The following SLC25A12 variants were observed in gnomAD, a reference collection of about 807,000 sequenced individuals.
The protein encoded by SLC25A12 is electrogenic aspartate/glutamate antiporter SLC25A12, mitochondrial.
Under a neutral mutation model 83.3 loss-of-function variants are expected in SLC25A12, and 32 were observed. That is an observed-to-expected ratio of 0.38 (90% CI 0.29 to 0.52). The LOEUF is 0.52. Ranked by LOEUF, SLC25A12 falls within the 20% of genes least tolerant of loss-of-function variation. The pLI is 0.84. For missense variants in SLC25A12, 611 were observed against 835.6 expected (o/e 0.73, Z 3.31); for synonymous variants, 267 against 291.1 (o/e 0.92, Z 0.84).
At position 171,834,033 on chromosome 2, in the gene SLC25A12, G is replaced by A. The variant is rs775614655; in HGVS notation, c.775C>T (p.Arg259Cys). 2.2e-5 allele frequency: 36 copies of A among 1,607,980 alleles called. No homozygotes were observed. The highest frequency in any genetic ancestry group is 2.6e-5 in the Non-Finnish European group (31 of 1,174,884). The stretch of plus-strand genomic sequence containing the variant: ...TCTAGTGGTGTGACTTGTCCATAGC[G>A]TATGGCACTCTGGGCAAATTCCTCT... The part of the protein sequence containing the change: ...TKEEFAQSAI[R>C]YGQVTPLEID... The change falls in exon 8 of 18, where the codon CGC becomes TGC. Residue 259 changes from arginine to cysteine, a missense_variant. Around this residue, in one of 3 missense-constraint regions of SLC25A12, gnomAD observed 540 missense variants for 777.5 expected, o/e 0.69. Transcript: ENST00000422440.
At chr2:171,887,223 C>G (rs2105932859) in intron 2 of SLC25A12, among the ~76,000 whole-genome samples, 1 of 152,356 alleles carries the variant, frequency 6.6e-6, no homozygotes. Flanking sequence ...CTTTGCTTTA[C>G]ATTAACAGTA....
At position 171,798,712 on chromosome 2, in the gene SLC25A12, G is replaced by A. The variant is rs930442645; in HGVS notation, c.1306-4945C>T. 3.7e-4 allele frequency among the ~76,000 whole-genome samples: 57 copies of A among 152,120 alleles called. 1 individual carries two copies. Among genetic ancestry groups the A allele is most frequent in the African/African-American group, 1.4e-3 (56 of 41,418 alleles). On this transcript the variant is annotated intron_variant, in intron 13 of 17. Coordinates refer to ENST00000422440, the MANE Select transcript of SLC25A12 (RefSeq NM_003705.5). The stretch of plus-strand genomic sequence containing the variant: ...TTTGTAAAGCAATAGGAAATGCTAT[G>A]GTTCTTTCTAAAATAGGATAGTGAT...
chr2:171,884,190 CT>C (rs796117861), intron 2 of SLC25A12, among the ~76,000 whole-genome samples: 2,410 of 134,430 alleles, frequency 0.018, 20 homozygotes, highest in Middle Eastern at 0.031. Context: ...AATCTGTGGG[CT>C]TTTTTTTTTT....
chr2:171,815,768 TAAAG>T (rs539959096), intron 9 of SLC25A12, among the ~76,000 whole-genome samples: 30 of 152,210 alleles, frequency 2.0e-4, no homozygotes, highest in East Asian at 5.8e-4. Flanking sequence ...TCCCACAGCA[TAAAG>T]AAAGGATCTA....
chr2:171,834,401 T>C (rs1400160284), intron 7 of SLC25A12: 2 of 447,534 alleles, frequency 4.5e-6, no homozygotes, highest in African/African-American at 2.0e-5. Context: ...AACATCCTAA[T>C]ACCACTCACC....
chr2:171,817,600 C>CAAAAAAAAA (rs71013076), intron 9 of SLC25A12, among the ~76,000 whole-genome samples: 1,152 of 64,184 alleles, frequency 0.018, 127 homozygotes, highest in Non-Finnish European at 0.024. Flanking sequence ...GACTCTGCCT[C>CAAAAAAAAA]AAAAAAAAAA....
chr2:171,837,290 G>T, intron 5 of SLC25A12, 23 bp from the exon 6 acceptor site: 1 of 1,613,492 alleles, frequency 6.2e-7, no homozygotes, highest in Non-Finnish European at 8.5e-7. Context: ...TAGAAATAGG[G>T]CATTAAGCTG....
intron 4 of SLC25A12, among the ~76,000 whole-genome samples, chr2:171,849,647 A>G (rs1684877978): frequency 7.0e-6 from 1 of 143,746 alleles, no homozygotes; most frequent in South Asian, 2.1e-4. Flanking sequence ...CACTGACCTC[A>G]GCCTCCCGGG....
chr2:171,872,771 G>A (rs745489008), intron 2 of SLC25A12, among the ~76,000 whole-genome samples: 1 of 152,124 alleles, frequency 6.6e-6, no homozygotes, highest in Non-Finnish European at 1.5e-5. Context: ...TGCAAGTGGA[G>A]AGAATGGGTA....
At chr2:171,802,393 T>C (rs1305602815) in intron 13 of SLC25A12, among the ~76,000 whole-genome samples, 1 of 151,114 alleles carries the variant, frequency 6.6e-6, no homozygotes, top group Non-Finnish European at 1.5e-5. Flanking sequence ...ATCCAAGTTA[T>C]CATAAATTCT....
chr2:171,825,699 G>A (rs1684286287), intron 9 of SLC25A12, among the ~76,000 whole-genome samples: 1 of 152,138 alleles, frequency 6.6e-6, no homozygotes, highest in Non-Finnish European at 1.5e-5. Context: ...ATTAGAGCAG[G>A]AAAGTACCAG....
intron 12 of SLC25A12, 60 bp downstream of exon 12, chr2:171,810,164 G>T: frequency 6.8e-7 from 1 of 1,470,618 alleles, no homozygotes; most frequent in Non-Finnish European, 9.5e-7. Flanking sequence ...CTTGATTTTA[G>T]CTTTTTGGCT....
chr2:171,850,040 G>A (rs937827763), intron 4 of SLC25A12, among the ~76,000 whole-genome samples: 5 of 150,074 alleles, frequency 3.3e-5, no homozygotes, highest in African/African-American at 1.2e-4. Context: ...TTGGCCTCAA[G>A]TGATCCTCCT....
At chr2:171,893,084 G>C in intron 2 of SLC25A12, 121 bp downstream of exon 2, 1 of 762,748 alleles carries the variant, frequency 1.3e-6, no homozygotes, top group South Asian at 1.6e-5. Flanking sequence ...TATATTGTCC[G>C]GTCATGTTTG....
chr2:171,822,913 C>G (rs1393565849), intron 9 of SLC25A12, among the ~76,000 whole-genome samples: 1 of 152,138 alleles, frequency 6.6e-6, no homozygotes, highest in East Asian at 1.9e-4. Flanking sequence ...AGGGAATACT[C>G]TGCATAATAA....
At chr2:171,874,025 G>A (rs1004111159) in intron 2 of SLC25A12, among the ~76,000 whole-genome samples, 1 of 152,036 alleles carries the variant, frequency 6.6e-6, no homozygotes, top group Admixed American at 6.6e-5. Context: ...CCGGGAGTTC[G>A]AGACCAGCCT....
chr2:171,846,187 C>T (rs2105896933), intron 4 of SLC25A12, among the ~76,000 whole-genome samples: 1 of 151,654 alleles, frequency 6.6e-6, no homozygotes, highest in South Asian at 2.1e-4. Context: ...TAAGGTCTAA[C>T]AAAAAGAAGT....
intron 4 of SLC25A12, among the ~76,000 whole-genome samples, chr2:171,854,334 C>G (rs1026002750): frequency 1.3e-5 from 2 of 151,994 alleles, no homozygotes; most frequent in African/African-American, 4.8e-5. Flanking sequence ...TTTGGGAGGC[C>G]GAGACAGACG....
At chr2:171,878,550 C>T (rs1330687176) in intron 2 of SLC25A12, among the ~76,000 whole-genome samples, 1 of 152,082 alleles carries the variant, frequency 6.6e-6, no homozygotes, top group Admixed American at 6.6e-5. Context: ...TTCCAGTATT[C>T]CTGGGCTTAC....
Sources: gnomAD v4.1 joint callset for allele counts (sites outside exome capture counted in the v4.1 genomes callset) on GRCh38, gnomAD v4.1.1 for gene constraint, gnomAD v4.1.1 regional missense constraint, MANE v1.5 for transcripts, NCBI Gene and HGNC (gene_info 2026-07-23, HGNC 2026-07-21) for gene names.